Variants in SART3 observed in about 807,000 individuals in gnomAD.
SART3 encodes spliceosome associated factor 3, U4/U6 recycling protein.
In SART3, 44 loss-of-function variants were observed where a neutral mutation model predicts 122.3. That is an observed-to-expected ratio of 0.36 (90% CI 0.28 to 0.46). SART3 has a LOEUF of 0.46. Among genes scored for constraint, SART3 ranks in the 20% least tolerant of loss-of-function variants. The probability of loss-of-function intolerance (pLI) is 1.00; values close to 1 mark genes in which losing one functional copy is unlikely to be tolerated. For missense variants in SART3, 1,101 were observed against 1,229.0 expected (o/e 0.90, Z 1.56); for synonymous variants, 442 against 454.0 (o/e 0.97, Z 0.34).
At chr12:108,553,413 T>A (rs2030085324) in intron 1 of SART3, among the ~76,000 whole-genome samples, 1 of 152,320 alleles carries the variant, frequency 6.6e-6, no homozygotes, top group South Asian at 2.1e-4. Flanking sequence ...TACAAGTGCA[T>A]GGAAATCTAC....
Position 108,537,592 on chromosome 12 carries a change from G to C in SART3, c.1205C>G (p.Thr402Ser). Reference sequence around the variant, plus strand: ...GCCGGCATTCAAAGCTTTCTCGAAGGTTACTGGAGTTGGAGAAAAGTCAGG... The same window carrying C: ...GCCGGCATTCAAAGCTTTCTCGAAGCTTACTGGAGTTGGAGAAAAGTCAGG... ...HGVDHQVISV[T>S]FEKALNAGFI... is the part of the protein sequence containing the mutation. Residue 402 changes from threonine (T) to serine (S), a missense_variant, in exon 9 of 19, where the codon ACC (threonine) becomes AGC (serine). By Grantham distance (58) the Thr-to-Ser change is moderately conservative (BLOSUM62 1). Transcript: ENST00000546815. 6.2e-7 allele frequency: 1 copy of C among 1,613,606 alleles called. No individual in the cohort carries two copies. Among genetic ancestry groups the C allele is most frequent in the Non-Finnish European group, 8.5e-7 (1 of 1,179,582 alleles).
intron 1 of SART3, chr12:108,560,567 G>A (rs937007506): frequency 2.2e-6 from 1 of 462,600 alleles, no homozygotes; most frequent in Admixed American, 4.0e-5. Flanking sequence ...TCTTGAGCAA[G>A]AAACTTTCCT....
chr12:108,525,647 G>C, intron 16 of SART3, 38 bp from the exon 17 acceptor site: 2 of 1,608,886 alleles, frequency 1.2e-6, no homozygotes, highest in Non-Finnish European at 1.7e-6. Context: ...ACCATGATTC[G>C]AGGCATGACC....
intron 1 of SART3, chr12:108,560,132 C>G (rs976252669): frequency 6.6e-6 from 1 of 152,164 alleles, no homozygotes; most frequent in Non-Finnish European, 1.5e-5. Context: ...TGCTGAGATC[C>G]TGGATTATAC....
intron 1 of SART3, 93 bp downstream of exon 1, chr12:108,560,750 T>C (rs753611765): frequency 8.2e-7 from 1 of 1,225,008 alleles, no homozygotes; most frequent in Admixed American, 2.8e-5. Flanking sequence ...TTGGCGGCTT[T>C]ATCGCCGCCG....
intron 1 of SART3, among the ~76,000 whole-genome samples, chr12:108,557,508 A>G (rs961683306): frequency 2.0e-5 from 3 of 152,226 alleles, no homozygotes; most frequent in Non-Finnish European, 4.4e-5. Context: ...CAACTGGTGC[A>G]ATCAAAGGCA....
chr12:108,543,573 C>A (rs571535163), intron 5 of SART3, among the ~76,000 whole-genome samples: 2 of 152,336 alleles, frequency 1.3e-5, no homozygotes, highest in South Asian at 2.1e-4. Context: ...CCCAAGCAGT[C>A]TGGCTCAAGT....
At position 108,523,405 on chromosome 12, in the gene SART3, G is replaced by T; in HGVS notation, c.*52C>A. The T allele has an allele frequency of 6.3e-7, 1 of 1,591,300 alleles. No homozygotes were observed. The highest frequency in any genetic ancestry group is 8.6e-7 in the Non-Finnish European group (1 of 1,161,092). ...CCCAGTGCACTGCTGGGTGGTGGGAGGTCCGCCGGGCCAGAGTGAAGTAAG... is the reference window on the plus strand; with the variant it reads ...CCCAGTGCACTGCTGGGTGGTGGGATGTCCGCCGGGCCAGAGTGAAGTAAG... On this transcript the variant is annotated 3_prime_UTR_variant, in exon 19 of 19. Coordinates refer to ENST00000546815, the MANE Select transcript of SART3 (RefSeq NM_014706.4).
At chr12:108,532,181 A>G (rs1381873958) in intron 13 of SART3, 41 bp downstream of exon 13, 4 of 1,566,440 alleles carry the variant, frequency 2.6e-6, no homozygotes, top group African/African-American at 1.4e-5. Context: ...CAAACAGCAA[A>G]TGGGTTAGGC....
Position 108,524,426 on chromosome 12 carries a change from C to T in SART3, c.2604G>A (p.Glu868=). 2 of 1,614,210 alleles carry T rather than the reference C, an allele frequency of 1.2e-6. No homozygotes were observed. The highest frequency in any genetic ancestry group is 1.7e-6 in the Non-Finnish European group (2 of 1,180,014). Residue 868 remains glutamate, a synonymous_variant, in exon 18 of 19, where the codon GAG becomes GAA. Coordinates refer to ENST00000546815, the MANE Select transcript of SART3 (RefSeq NM_014706.4). ...VMKMDGMTIK[E]NIIKVAISNP... Reference sequence around the variant, plus strand: ...TGCTGATTGCCACTTTGATGATGTTCTCTTTGATAGTCATGCCGTCCATCT... The same window carrying T: ...TGCTGATTGCCACTTTGATGATGTTTTCTTTGATAGTCATGCCGTCCATCT...
intron 15 of SART3, among the ~76,000 whole-genome samples, chr12:108,527,981 A>G (rs968064553): frequency 1.2e-4 from 18 of 151,882 alleles, no homozygotes; most frequent in Non-Finnish European, 2.4e-4. Context: ...GGCCAGGTTG[A>G]TCTTGACCCC....
At chr12:108,547,750 C>T in intron 3 of SART3, 137 bp downstream of exon 3, 1 of 683,154 alleles carries the variant, frequency 1.5e-6, no homozygotes, top group Non-Finnish European at 2.6e-6. Context: ...AATGATAAGA[C>T]AACTCAACTT....
intron 3 of SART3, among the ~76,000 whole-genome samples, chr12:108,546,369 T>C (rs56765582): frequency 0.013 from 2,028 of 151,574 alleles, 48 homozygotes; most frequent in African/African-American, 0.047. Context: ...CTAGCTAGTT[T>C]TTTGTATTTT....
At chr12:108,525,934 A>G (rs1244763254) in intron 16 of SART3, 165 bp downstream of exon 16, 24 of 658,570 alleles carry the variant, frequency 3.6e-5, no homozygotes, top group Non-Finnish European at 5.7e-5. Context: ...GCCATGAGTC[A>G]GACCTCAGTC....
intron 12 of SART3, among the ~76,000 whole-genome samples, chr12:108,533,420 A>C (rs1593237118): frequency 6.7e-6 from 1 of 148,344 alleles, no homozygotes; most frequent in Non-Finnish European, 1.5e-5. Flanking sequence ...TTACTGTTTG[A>C]GTTGCAAGCT....
intron 1 of SART3, among the ~76,000 whole-genome samples, chr12:108,553,334 A>G (rs1210830285): frequency 2.6e-5 from 4 of 152,252 alleles, no homozygotes; most frequent in African/African-American, 4.8e-5. Context: ...ATTACATATT[A>G]TAGTTCCTCA....
intron 1 of SART3, chr12:108,560,203 G>C (rs1192430396): frequency 1.3e-5 from 2 of 152,384 alleles, no homozygotes; most frequent in Non-Finnish European, 2.9e-5. Flanking sequence ...TAGATGCTAG[G>C]CACTGAGCTA....
intron 12 of SART3, among the ~76,000 whole-genome samples, chr12:108,534,203 T>C (rs1234918735): frequency 6.6e-6 from 1 of 152,184 alleles, no homozygotes; most frequent in Non-Finnish European, 1.5e-5. Flanking sequence ...AAAATGTTTT[T>C]TAGATTTCTC....
rs1467797480 is a variant in SART3 at position 108,523,643 on chromosome 12, G to C, written c.2715-9C>G. Reference sequence around the variant, plus strand: ...TCCTTCCCTTCCCCCTCCTAAAAGAGCAAACACTGAATGGACCTTTTGAAG... The same window carrying C: ...TCCTTCCCTTCCCCCTCCTAAAAGACCAAACACTGAATGGACCTTTTGAAG... On this transcript the variant is annotated splice_polypyrimidine_tract_variant and intron_variant, in intron 18 of 18. Coordinates refer to ENST00000546815, the MANE Select transcript of SART3 (RefSeq NM_014706.4). 6.2e-7 allele frequency: 1 copy of C among 1,613,200 alleles called. No homozygotes were observed. The highest frequency in any genetic ancestry group is 2.2e-5 in the East Asian group (1 of 44,862).
Sources: gnomAD v4.1 joint callset for allele counts (sites outside exome capture counted in the v4.1 genomes callset) on GRCh38, gnomAD v4.1.1 for gene constraint, MANE v1.5 for transcripts, NCBI Gene and HGNC (gene_info 2026-07-23, HGNC 2026-07-21) for gene names.